DENND6A: variants seen among roughly 807,000 people sequenced by gnomAD.
The protein encoded by DENND6A is protein DENND6A.
A neutral mutation model predicts 95.5 loss-of-function variants in DENND6A; 43 were observed. The observed-to-expected ratio is 0.45, with a 90% CI of 0.35 to 0.58. DENND6A has a LOEUF of 0.58. Ranked by LOEUF, DENND6A falls within the 20% of genes least tolerant of loss-of-function variation. The pLI is 0.00. For missense variants in DENND6A, 574 were observed against 736.0 expected (o/e 0.78, Z 2.55); for synonymous variants, 257 against 260.4 (o/e 0.99, Z 0.13).
At chr3:57,651,363 G>A (rs187749048) in intron 9 of DENND6A, among the ~76,000 whole-genome samples, 1 of 152,266 alleles carries the variant, frequency 6.6e-6, no homozygotes, top group Non-Finnish European at 1.5e-5. Context: ...TCATGATACT[G>A]CACAGATGAA....
At chr3:57,669,354 C>T (rs995950920) in intron 3 of DENND6A, among the ~76,000 whole-genome samples, 2 of 152,068 alleles carry the variant, frequency 1.3e-5, no homozygotes, top group African/African-American at 4.8e-5. Context: ...ACCAACCATA[C>T]TTCAAGTCAC....
Position 57,630,709 on chromosome 3 carries a change from A to T in DENND6A, c.1517+6T>A. On this transcript the variant is annotated splice_donor_region_variant and intron_variant, in intron 17 of 19. Coordinates refer to ENST00000311128, the MANE Select transcript of DENND6A (RefSeq NM_152678.3). Reference sequence around the variant, plus strand: ...CATGGGTGTAAAACAGGGAAAAAAGACTAACCGGTAAAGTCCAATCCAATC... The same window carrying T: ...CATGGGTGTAAAACAGGGAAAAAAGTCTAACCGGTAAAGTCCAATCCAATC... 1 of 1,609,694 alleles carries T rather than the reference A, an allele frequency of 6.2e-7. No homozygotes were observed. The highest frequency in any genetic ancestry group is 8.5e-7 in the Non-Finnish European group (1 of 1,178,864).
intron 14 of DENND6A, 39 bp downstream of exon 14, chr3:57,634,519 A>G: frequency 8.5e-7 from 1 of 1,178,512 alleles, no homozygotes; most frequent in Non-Finnish European, 1.2e-6. Flanking sequence ...ACATACCTGA[A>G]CAAGGAAATT....
At chr3:57,631,931 CCAGGATG>C (rs2070689048) in intron 15 of DENND6A, among the ~76,000 whole-genome samples, 1 of 149,720 alleles carries the variant, frequency 6.7e-6, no homozygotes, top group East Asian at 2.0e-4. Context: ...ACCGTGTTAG[CCAGGATG>C]GTCTTGATCT....
intron 1 of DENND6A, among the ~76,000 whole-genome samples, chr3:57,690,291 G>A (rs1306772033): frequency 6.6e-6 from 1 of 152,154 alleles, no homozygotes; most frequent in Admixed American, 6.6e-5. Flanking sequence ...AGATCACACT[G>A]TCAGGAGATC....
intron 9 of DENND6A, among the ~76,000 whole-genome samples, chr3:57,648,293 A>G (rs1009526349): frequency 3.9e-5 from 6 of 152,196 alleles, no homozygotes; most frequent in Admixed American, 3.3e-4. Context: ...TACTTACTCA[A>G]GGAGGTGAAA....
chr3:57,679,606 G>A, intron 1 of DENND6A: 2 of 972,246 alleles, frequency 2.1e-6, no homozygotes, highest in African/African-American at 3.5e-5. Flanking sequence ...CTAATTAGAT[G>A]TGTCCTTGTG....
At chr3:57,651,360 A>T (rs1294122313) in intron 9 of DENND6A, among the ~76,000 whole-genome samples, 1 of 152,204 alleles carries the variant, frequency 6.6e-6, no homozygotes, top group Non-Finnish European at 1.5e-5. Context: ...GATTCATGAT[A>T]CTGCACAGAT....
At chr3:57,671,352 G>A (rs766643665) in intron 3 of DENND6A, among the ~76,000 whole-genome samples, 4 of 152,002 alleles carry the variant, frequency 2.6e-5, no homozygotes, top group South Asian at 2.1e-4. Context: ...GTGAAACCCC[G>A]TCTCTACTAA....
At chr3:57,670,572 G>T (rs1476556412) in intron 3 of DENND6A, among the ~76,000 whole-genome samples, 1 of 152,218 alleles carries the variant, frequency 6.6e-6, no homozygotes, top group East Asian at 1.9e-4. Context: ...GGGAAGGGGT[G>T]ACACCTTCAC....
rs191349818 is a variant in DENND6A, at chr3:57,663,102, G to C, written c.513+534C>G. On this transcript the variant is annotated intron_variant, in intron 5 of 19. Transcript: ENST00000311128. ...GGAGGCAGAAGTTGCAGTGAGCCGA[G>C]ATCACACCACTGAACTCCAGCCTGG... is the stretch of plus-strand genomic sequence containing the variant. Among the ~76,000 whole-genome samples the C allele has an allele frequency of 3.6e-4, 45 of 126,596 alleles. 1 individual carries two copies. The highest frequency in any genetic ancestry group is 3.0e-4 in the Non-Finnish European group (19 of 63,496). The allele number at this position is 126,596 out of a possible 152,430, so 83.1% of individuals were successfully genotyped here.
chr3:57,625,902 A>C lies in DENND6A; in HGVS notation c.*2312T>G, dbSNP rs1466356246. The C allele has an allele frequency of 6.6e-6, 1 of 152,624 alleles. No individual in the cohort carries two copies. Among genetic ancestry groups the C allele is most frequent in the Non-Finnish European group, 1.5e-5 (1 of 68,048 alleles). 9.5% of individuals were successfully genotyped at this position (152,624 alleles called of 1,614,324 possible). On this transcript the variant is annotated 3_prime_UTR_variant, in exon 20 of 20. Transcript: ENST00000311128. The stretch of plus-strand genomic sequence containing the variant: ...TTGAAATGATACATCCTGTAGTGGC[A>C]TAATTTAAAAGATCCTTGATATGAC...
chr3:57,629,507 C>CTTTT (rs1165802821), intron 18 of DENND6A, among the ~76,000 whole-genome samples: 24 of 98,228 alleles, frequency 2.4e-4, no homozygotes, highest in Admixed American at 8.5e-4. Context: ...AATCAGTCCG[C>CTTTT]TTTTTTTTTT....
chr3:57,644,348 AG>A (rs1207028933), intron 11 of DENND6A, among the ~76,000 whole-genome samples: 1 of 151,932 alleles, frequency 6.6e-6, no homozygotes, highest in Non-Finnish European at 1.5e-5. Context: ...TCTGTTCCCC[AG>A]GGCTGGAGTC....
intron 12 of DENND6A, among the ~76,000 whole-genome samples, chr3:57,638,954 C>G (rs951891525): frequency 6.6e-6 from 1 of 152,012 alleles, no homozygotes; most frequent in African/African-American, 2.4e-5. Flanking sequence ...AAAAATTAGC[C>G]AGGCGTGGTG....
chr3:57,646,812 T>A (rs2071089375), intron 9 of DENND6A, among the ~76,000 whole-genome samples: 1 of 152,200 alleles, frequency 6.6e-6, no homozygotes, highest in Non-Finnish European at 1.5e-5. Flanking sequence ...ATAAGAAAAA[T>A]TAATTTTCCA....
intron 4 of DENND6A, 97 bp downstream of exon 4, chr3:57,666,026 A>G: frequency 9.5e-7 from 1 of 1,055,262 alleles, no homozygotes; most frequent in Non-Finnish European, 1.4e-6. Flanking sequence ...TAGCAAAACA[A>G]AAGCAAAATA....
At chr3:57,641,588 G>T in intron 12 of DENND6A, 65 bp downstream of exon 12, 1 of 1,347,326 alleles carries the variant, frequency 7.4e-7, no homozygotes, top group Non-Finnish European at 1.0e-6. Flanking sequence ...AATCAAGGAT[G>T]AAAAGAAAGA....
chr3:57,654,832 A>C lies in DENND6A; in HGVS notation c.818+2848T>G, dbSNP rs1421717873. ...GCTTTCAAGCTCAGTCTTGGTGTAA[A>C]TCTATCACCTTCAATATAACTGGAT... On this transcript the variant is annotated intron_variant, in intron 9 of 19. Transcript: ENST00000311128. 4 of 934,060 alleles carry C rather than the reference A, an allele frequency of 4.3e-6. No individual in the cohort carries two copies. The Admixed American group carries it at 2.5e-4, about 58-fold the overall frequency. 57.9% of individuals were successfully genotyped at this position (934,060 alleles called of 1,614,324 possible).
Sources: allele counts gnomAD v4.1 joint callset (sites outside exome capture counted in the v4.1 genomes callset), GRCh38; gene constraint gnomAD v4.1.1; transcripts MANE v1.5; gene names NCBI Gene and HGNC (gene_info 2026-07-23, HGNC 2026-07-21).